WDPCP: variants seen among roughly 807,000 people sequenced by gnomAD.
WDPCP encodes WD repeat-containing and planar cell polarity effector protein fritz homolog.
In WDPCP, 71 loss-of-function variants were observed where a neutral mutation model predicts 93.1. The ratio of observed to expected loss-of-function variants is 0.76; its 90% CI spans 0.63 to 0.93. The LOEUF (loss-of-function observed/expected upper bound fraction) is 0.93. WDPCP is among the 40% of genes least tolerant of loss of function. The pLI is 0.00. For synonymous variants in WDPCP, 315 were observed against 315.0 expected, an observed-to-expected ratio of 1.00 and a Z score of 0.00; for missense variants, 844 against 887.4, an observed-to-expected ratio of 0.95 and a Z score of 0.62.
rs763617752 is a variant in WDPCP at position 63,594,462 on chromosome 2, A to G, written n.488+56197T>C. ...TTTTAAGGTACAGTAGTACTTAAAG[A>G]TGTTAATGGGTCTTTTTCATTACAG... On this transcript the variant is annotated intron_variant and non_coding_transcript_variant, in intron 3 of 4. Transcript: ENST00000467687. 2.0e-6 allele frequency: 3 copies of G among 1,502,384 alleles called. No individual in the cohort carries two copies. In the South Asian group the frequency reaches 3.4e-5, roughly 17 times the overall value. 93.1% of individuals were successfully genotyped at this position (1,502,384 alleles called of 1,614,324 possible).
chr2:63,435,270 T>C (rs1697055569), intron 8 of WDPCP, among the ~76,000 whole-genome samples: 1 of 152,158 alleles, frequency 6.6e-6, no homozygotes, highest in African/African-American at 2.4e-5. Context: ...TTGCCAAAAT[T>C]ATGTCAATCT....
At chr2:63,497,571 A>G (rs547587081) in intron 1 of WDPCP, among the ~76,000 whole-genome samples, 1 of 152,198 alleles carries the variant, frequency 6.6e-6, no homozygotes, top group Non-Finnish European at 1.5e-5. Context: ...AGTTTGTAAA[A>G]ATCTTTAATA....
chr2:63,325,587 G>A (rs1430404106), intron 12 of WDPCP, among the ~76,000 whole-genome samples: 3 of 152,080 alleles, frequency 2.0e-5, no homozygotes, highest in East Asian at 1.9e-4. Flanking sequence ...GTTACCGTCC[G>A]AGAAATCCTG....
intron 13 of WDPCP, among the ~76,000 whole-genome samples, chr2:63,285,981 T>G (rs920916447): frequency 7.3e-6 from 1 of 137,736 alleles, no homozygotes; most frequent in Admixed American, 7.6e-5. Context: ...TAACACAAGG[T>G]CATGAAACAA....
chr2:63,383,995 A>G (rs1421162095), intron 10 of WDPCP, among the ~76,000 whole-genome samples: 1 of 152,194 alleles, frequency 6.6e-6, no homozygotes, highest in Non-Finnish European at 1.5e-5. Context: ...TTCTCTGACC[A>G]CAATAGAATT....
chr2:63,732,814 AT>A (rs1361544864), intron 2 of WDPCP, among the ~76,000 whole-genome samples: 1 of 152,230 alleles, frequency 6.6e-6, no homozygotes, highest in Non-Finnish European at 1.5e-5. Flanking sequence ...GAAAAAGCTT[AT>A]TGAGCTTATT....
At chr2:63,378,959 T>A (rs1692078126) in intron 11 of WDPCP, among the ~76,000 whole-genome samples, 1 of 152,146 alleles carries the variant, frequency 6.6e-6, no homozygotes, top group Non-Finnish European at 1.5e-5. Flanking sequence ...TAAACAGGCA[T>A]ATTGGAGTAG....
rs192193058 is a variant in WDPCP, at chr2:63,708,732, C to G, written n.309-57894G>C. ...CCAGCTCACGCTGGGAGCTCTAGAT[C>G]GGAGCTGTTCCCATTTGGCCATCTT... is the stretch of plus-strand genomic sequence containing the variant. On this transcript the variant is annotated intron_variant and non_coding_transcript_variant, in intron 2 of 4. Transcript: ENST00000467687. 5.3e-5 allele frequency among the ~76,000 whole-genome samples: 8 copies of G among 152,034 alleles called. No homozygotes were observed. In the East Asian group the frequency reaches 9.8e-4, roughly 19 times the overall value.
intron 14 of WDPCP, among the ~76,000 whole-genome samples, chr2:63,211,573 A>G (rs1033246000): frequency 2.0e-5 from 3 of 152,362 alleles, no homozygotes; most frequent in African/African-American, 7.2e-5. Context: ...CCAAAGGAAC[A>G]CAGCTCCTTG....
intron 12 of WDPCP, among the ~76,000 whole-genome samples, chr2:63,313,886 ATT>A (rs61487991): frequency 1.3e-5 from 1 of 74,502 alleles, no homozygotes; most frequent in South Asian, 4.8e-4. Context: ...ATATATATAT[ATT>A]TTTTTTTTTT....
At chr2:63,388,235 C>T (rs990694953) in intron 10 of WDPCP, among the ~76,000 whole-genome samples, 5 of 152,184 alleles carry the variant, frequency 3.3e-5, no homozygotes, top group Admixed American at 2.6e-4. Context: ...AACTGAGCCT[C>T]GACTGGTGAT....
chr2:63,286,813 G>C (rs1684038026), intron 13 of WDPCP, among the ~76,000 whole-genome samples: 1 of 152,002 alleles, frequency 6.6e-6, no homozygotes, highest in Non-Finnish European at 1.5e-5. Context: ...ATTTCCTTTT[G>C]ATTATTTCCT....
chr2:63,558,389 G>T (rs368140423), intron 1 of WDPCP, among the ~76,000 whole-genome samples: 4 of 151,890 alleles, frequency 2.6e-5, no homozygotes, highest in African/African-American at 9.7e-5. Context: ...TTAGCTGGGC[G>T]TGGTGGTGCG....
chr2:63,464,604 T>C (rs1699226271), intron 6 of WDPCP, among the ~76,000 whole-genome samples: 1 of 151,960 alleles, frequency 6.6e-6, no homozygotes, highest in African/African-American at 2.4e-5. Context: ...AGATGCACTA[T>C]TCACAAACTC....
At chr2:63,127,317 G>T (rs1329090205) in intron 17 of WDPCP, among the ~76,000 whole-genome samples, 8 of 151,746 alleles carry the variant, frequency 5.3e-5, no homozygotes, top group Non-Finnish European at 8.8e-5. Context: ...TAGAGACGGG[G>T]TTTCACCATG....
At chr2:63,767,626 T>C (rs2103935263) in intron 2 of WDPCP, among the ~76,000 whole-genome samples, 2 of 152,272 alleles carry the variant, frequency 1.3e-5, no homozygotes, top group East Asian at 1.9e-4. Flanking sequence ...TTATTTGCCA[T>C]CTGAATATCT....
rs185166612 is a variant in WDPCP, at chr2:63,224,796, A to G, written c.1915+34511T>C. Among the ~76,000 whole-genome samples, 26 of 152,146 alleles carry G rather than the reference A, an allele frequency of 1.7e-4. No homozygotes were observed. In the East Asian group the frequency reaches 4.8e-3, roughly 28 times the overall value. On this transcript the variant is annotated intron_variant, in intron 14 of 17. Transcript: ENST00000272321. ...GGACAGTGAAACTAGTCTATATGAT[A>G]TTACATGGTGGATATATGTCATTGT...
chr2:63,830,920 T>C (rs1009608049), upstream of WDPCP, among the ~76,000 whole-genome samples: 10 of 152,186 alleles, frequency 6.6e-5, no homozygotes, highest in African/African-American at 9.7e-5. Context: ...AGATTTTTTT[T>C]CTGAGGTTCC....
At chr2:63,134,606 G>T (rs1299728752) in intron 17 of WDPCP, among the ~76,000 whole-genome samples, 2 of 152,140 alleles carry the variant, frequency 1.3e-5, no homozygotes, top group African/African-American at 4.8e-5. Flanking sequence ...GAAATTCTGA[G>T]AACATTTTGT....
Sources: gnomAD v4.1 joint callset for allele counts (sites outside exome capture counted in the v4.1 genomes callset) on GRCh38, gnomAD v4.1.1 for gene constraint, MANE v1.5 for transcripts, NCBI Gene and HGNC (gene_info 2026-07-23, HGNC 2026-07-21) for gene names.